SIPA1L2: variants seen among roughly 807,000 people sequenced by gnomAD.
The protein encoded by SIPA1L2 is signal-induced proliferation-associated 1-like protein 2.
A neutral mutation model predicts 163.9 loss-of-function variants in SIPA1L2; 56 were observed. The observed-to-expected ratio is 0.34, with a 90% CI of 0.28 to 0.43. The LOEUF (loss-of-function observed/expected upper bound fraction) is 0.43, where lower values mean the gene tolerates loss of function less well. Ranked by LOEUF, SIPA1L2 falls within the 20% of genes least tolerant of loss-of-function variation. The pLI, the probability that SIPA1L2 is intolerant of heterozygous loss-of-function variation, is 1.00. For missense variants in SIPA1L2, 1,974 were observed against 2,193.5 expected, an observed-to-expected ratio of 0.90 and a Z score of 2.00; for synonymous variants, 877 against 865.7, an observed-to-expected ratio of 1.01 and a Z score of -0.23.
At chr1:232,441,419 G>A in intron 13 of SIPA1L2, 25 bp from the exon 14 acceptor site, 1 of 1,567,426 alleles carries the variant, frequency 6.4e-7, no homozygotes, top group Non-Finnish European at 8.7e-7. Context: ...GAGAGGAGTT[G>A]AATTTCCAAT....
intron 6 of SIPA1L2, among the ~76,000 whole-genome samples, chr1:232,480,165 G>GTA (rs1212921884): frequency 1.5e-5 from 2 of 132,256 alleles, no homozygotes; most frequent in African/African-American, 5.9e-5. Context: ...GTGTGTGTGT[G>GTA]TGTGTGTGTG....
intron 3 of SIPA1L2, among the ~76,000 whole-genome samples, chr1:232,509,118 G>A (rs367932806): frequency 1.3e-5 from 2 of 152,204 alleles, no homozygotes; most frequent in East Asian, 1.9e-4. Context: ...CTATTTCACT[G>A]AAAGCTACAG....
At chr1:232,516,630 A>ATT (rs77019423) in intron 2 of SIPA1L2, among the ~76,000 whole-genome samples, 2,267 of 145,780 alleles carry the variant, frequency 0.016, 58 homozygotes, top group African/African-American at 0.054. Context: ...TCATCCCTAA[A>ATT]TTTTTTTTTT....
In SIPA1L2 at chr1:232,408,774, C is replaced by G. The variant is rs541667398; in HGVS notation, c.4763-4596G>C. On this transcript the variant is annotated intron_variant, in intron 19 of 22. Transcript: ENST00000674635. The stretch of plus-strand genomic sequence containing the variant: ...CGTACTTTAGGTATCCTGGTTTTAC[C>G]TATCACATTCTTTAGAAATCTTTTC... Among the ~76,000 whole-genome samples the G allele has an allele frequency of 1.3e-3, 191 of 152,078 alleles. 1 individual carries two copies. Among genetic ancestry groups the G allele is most frequent in the African/African-American group, 4.1e-3 (170 of 41,498 alleles).
intron 10 of SIPA1L2, 21 bp from the exon 11 acceptor site, chr1:232,445,807 G>A: frequency 6.2e-7 from 1 of 1,605,404 alleles, no homozygotes. Flanking sequence ...AAGAAGAAAT[G>A]GTGAGAAGGG....
At chr1:232,420,844 G>A (rs1661536528) in intron 18 of SIPA1L2, among the ~76,000 whole-genome samples, 1 of 151,786 alleles carries the variant, frequency 6.6e-6, no homozygotes, top group African/African-American at 2.4e-5. Flanking sequence ...CAAAAAAAAA[G>A]AAAGTGCCAG....
At chr1:232,566,212 T>A (rs1413348972) in intron 2 of SIPA1L2, among the ~76,000 whole-genome samples, 1 of 152,238 alleles carries the variant, frequency 6.6e-6, no homozygotes, top group Admixed American at 6.5e-5. Flanking sequence ...TCTCAGCCTC[T>A]CAGCCTCTAT....
chr1:232,479,478 C>T lies in SIPA1L2; in HGVS notation c.2085+149G>A. The T allele has an allele frequency of 4.6e-6, 3 of 648,466 alleles. No homozygotes were observed. In the South Asian group the frequency reaches 6.0e-5, roughly 13 times the overall value. 40.2% of individuals were successfully genotyped at this position (648,466 alleles called of 1,614,324 possible). ...TACGCCCTTTAAAGCCCAAATACTT[C>T]CAAATGATCAAAGAGTCAAAGATGA... On this transcript the variant is annotated intron_variant, in intron 7 of 22. Coordinates refer to ENST00000674635, the MANE Select transcript of SIPA1L2 (RefSeq NM_020808.5).
At position 232,514,511 on chromosome 1, in the gene SIPA1L2, G is replaced by C. The variant is rs1189437075; in HGVS notation, c.829C>G (p.Pro277Ala). ...TCTGATTTCAACCTCCGTTTGAAAGGCTTGTCCCTGTCTCTCCCCATCAGG... is the reference window on the plus strand; with the variant it reads ...TCTGATTTCAACCTCCGTTTGAAAGCCTTGTCCCTGTCTCTCCCCATCAGG... ...ALLMGRDRDK[P>A]FKRRLKSESV... The change falls in exon 3 of 23, where the codon CCT (proline) becomes GCT (alanine). Residue 277 changes from proline (P) to alanine (A), a missense_variant. Around this residue, in one of 3 missense-constraint regions of SIPA1L2, gnomAD observed 607 missense variants for 624.0 expected, o/e 0.97. Transcript: ENST00000674635. 1.2e-6 allele frequency: 2 copies of C among 1,614,186 alleles called. No homozygotes were observed. The highest frequency in any genetic ancestry group is 2.7e-5 in the African/African-American group (2 of 75,058).
At chr1:232,456,369 A>G (rs1052381606) in intron 10 of SIPA1L2, among the ~76,000 whole-genome samples, 1 of 152,062 alleles carries the variant, frequency 6.6e-6, no homozygotes. Flanking sequence ...ATGAGAACAT[A>G]AAGTTTTAAT....
At chr1:232,622,794 T>C (rs572371038) in intron 1 of SIPA1L2, among the ~76,000 whole-genome samples, 1 of 152,354 alleles carries the variant, frequency 6.6e-6, no homozygotes, top group South Asian at 2.1e-4. Flanking sequence ...AAATGAGGTA[T>C]AAACTGTTGT....
rs78704134 is a variant in SIPA1L2 at position 232,505,207 on chromosome 1, A to G, written c.1483+8650T>C. ...AGTATGAAAGGCCTCACCACTTCAAAGAAGAGAGGTGGAGCCCACTGATAA... is the reference window on the plus strand; with the variant it reads ...AGTATGAAAGGCCTCACCACTTCAAGGAAGAGAGGTGGAGCCCACTGATAA... On this transcript the variant is annotated intron_variant, in intron 3 of 22. Transcript: ENST00000674635. 8.8e-3 allele frequency among the ~76,000 whole-genome samples: 1,337 copies of G among 152,350 alleles called. 24 individuals carry two copies. Among genetic ancestry groups the G allele is most frequent in the African/African-American group, 0.03 (1,267 of 41,578 alleles).
intron 1 of SIPA1L2, among the ~76,000 whole-genome samples, chr1:232,621,332 A>T (rs1483552296): frequency 6.6e-6 from 1 of 152,038 alleles, no homozygotes; most frequent in Non-Finnish European, 1.5e-5. Context: ...TAATTCCGCC[A>T]TTCTTATATG....
chr1:232,564,134 GTTTTT>G (rs368352108), intron 2 of SIPA1L2, among the ~76,000 whole-genome samples: 1 of 53,008 alleles, frequency 1.9e-5, no homozygotes, highest in South Asian at 8.2e-4. Context: ...GACGAAGGTT[GTTTTT>G]TTTTTTTTTC....
At chr1:232,516,467 TTTATC>T (rs1328327475) in intron 2 of SIPA1L2, among the ~76,000 whole-genome samples, 3 of 152,220 alleles carry the variant, frequency 2.0e-5, no homozygotes, top group East Asian at 1.9e-4. Flanking sequence ...GATGCAGTCA[TTTATC>T]TTATCTTTCT....
intron 2 of SIPA1L2, among the ~76,000 whole-genome samples, chr1:232,573,832 G>C (rs900511880): frequency 1.3e-5 from 2 of 152,116 alleles, no homozygotes; most frequent in Admixed American, 1.3e-4. Context: ...CTCACGTGTT[G>C]TACCTCTAAT....
intron 2 of SIPA1L2, among the ~76,000 whole-genome samples, chr1:232,535,907 T>G (rs1029852087): frequency 6.6e-6 from 1 of 152,236 alleles, no homozygotes. Flanking sequence ...AAAAGAGATT[T>G]AATGTTCCAT....
intron 2 of SIPA1L2, among the ~76,000 whole-genome samples, chr1:232,539,692 C>T (rs979481816): frequency 6.6e-6 from 1 of 152,124 alleles, no homozygotes; most frequent in Non-Finnish European, 1.5e-5. Context: ...CCCCATTCCC[C>T]CAGGCCCACC....
chr1:232,482,418 G>C (rs564973095), intron 6 of SIPA1L2, among the ~76,000 whole-genome samples: 1 of 151,256 alleles, frequency 6.6e-6, no homozygotes, highest in African/African-American at 2.4e-5. Flanking sequence ...GGGGGTGAAT[G>C]GTTGTTTGCA....
Sources: gnomAD v4.1 joint callset for allele counts (sites outside exome capture counted in the v4.1 genomes callset) on GRCh38, gnomAD v4.1.1 for gene constraint, gnomAD v4.1.1 regional missense constraint, MANE v1.5 for transcripts, NCBI Gene and HGNC (gene_info 2026-07-23, HGNC 2026-07-21) for gene names.